Variants in PCBP3 observed in about 807,000 individuals in gnomAD.
PCBP3 encodes poly(rC)-binding protein 3.
Under a neutral mutation model 52.7 loss-of-function variants are expected in PCBP3, and 25 were observed. The ratio of observed to expected loss-of-function variants is 0.47; its 90% CI spans 0.35 to 0.66. The LOEUF (loss-of-function observed/expected upper bound fraction) is 0.66, where lower values mean the gene tolerates loss of function less well. Ranked by LOEUF, PCBP3 falls within the 30% of genes least tolerant of loss-of-function variation. PCBP3 has a pLI of 0.01. For synonymous variants in PCBP3, 162 were observed against 183.0 expected (o/e 0.89, Z 0.93); for missense variants, 391 against 490.3 (o/e 0.80, Z 1.91).
At chr21:45,851,621 A>G (rs973125222) in intron 5 of PCBP3, among the ~76,000 whole-genome samples, 4 of 146,454 alleles carry the variant, frequency 2.7e-5, no homozygotes, top group Admixed American at 2.0e-4. Flanking sequence ...ATGGATGGAT[A>G]GATAGATAGA....
intron 5 of PCBP3, among the ~76,000 whole-genome samples, chr21:45,876,947 G>A (rs554910875): frequency 9.9e-5 from 15 of 152,256 alleles, no homozygotes; most frequent in Admixed American, 2.6e-4. Context: ...CGCCTTCTCG[G>A]GGCAAGCAGT....
chr21:45,718,427 C>T (rs187623145), intron 2 of PCBP3, among the ~76,000 whole-genome samples: 8 of 151,860 alleles, frequency 5.3e-5, no homozygotes, highest in Admixed American at 3.3e-4. Flanking sequence ...TTTAGGTTAT[C>T]GAATTGAGAT....
At chr21:45,796,446 A>C (rs918584963) in intron 4 of PCBP3, among the ~76,000 whole-genome samples, 3 of 151,990 alleles carry the variant, frequency 2.0e-5, no homozygotes, top group Non-Finnish European at 4.4e-5. Flanking sequence ...ATGTGTTTGC[A>C]CTTCCTTGTC....
At chr21:45,938,706 C>T (rs1390609469) in intron 16 of PCBP3, among the ~76,000 whole-genome samples, 1 of 152,142 alleles carries the variant, frequency 6.6e-6, no homozygotes, top group Admixed American at 6.5e-5. Context: ...TAGAAGACTC[C>T]CAGCAGCCCT....
chr21:45,727,116 T>G (rs1289231366), intron 2 of PCBP3, among the ~76,000 whole-genome samples: 1 of 152,250 alleles, frequency 6.6e-6, no homozygotes, highest in East Asian at 1.9e-4. Flanking sequence ...TCTTTAAGAT[T>G]TTATCTTATT....
At chr21:45,807,499 G>A (rs1341991444) in intron 4 of PCBP3, among the ~76,000 whole-genome samples, 2 of 152,124 alleles carry the variant, frequency 1.3e-5, no homozygotes, top group Non-Finnish European at 2.9e-5. Flanking sequence ...ACCTCTTCAA[G>A]GAGAACTACA....
intron 4 of PCBP3, among the ~76,000 whole-genome samples, chr21:45,780,168 C>T (rs1239109727): frequency 1.3e-5 from 2 of 152,266 alleles, no homozygotes; most frequent in East Asian, 1.9e-4. Context: ...TTGGAGAAAA[C>T]GTGAGGCGTT....
At chr21:45,729,206 C>T (rs528298685) in intron 2 of PCBP3, among the ~76,000 whole-genome samples, 7 of 152,234 alleles carry the variant, frequency 4.6e-5, no homozygotes, top group African/African-American at 1.4e-4. Context: ...CACTTAGCCC[C>T]GCTTGGAGGT....
chr21:45,684,606 T>G (rs958327012), intron 2 of PCBP3, among the ~76,000 whole-genome samples: 2 of 152,158 alleles, frequency 1.3e-5, no homozygotes, highest in East Asian at 1.9e-4. Context: ...CTCCTTGCTT[T>G]CTTTCTGTTT....
chr21:45,924,960 G>C (rs1254774926), intron 13 of PCBP3, among the ~76,000 whole-genome samples: 3 of 52,552 alleles, frequency 5.7e-5, no homozygotes, highest in East Asian at 3.6e-4. Flanking sequence ...TGCGAACACC[G>C]GGAACAGTCG....
At chr21:45,766,811 G>GCT (rs1406323422) in intron 4 of PCBP3, among the ~76,000 whole-genome samples, 3 of 152,134 alleles carry the variant, frequency 2.0e-5, no homozygotes, top group Admixed American at 6.5e-5. Context: ...CTCCCTTAGG[G>GCT]CTTCATAGCC....
intron 16 of PCBP3, 30 bp downstream of exon 16, chr21:45,935,335 C>G (rs2076774173): frequency 2.5e-6 from 4 of 1,569,458 alleles, no homozygotes; most frequent in African/African-American, 1.4e-5. Context: ...CTGCCTGTCC[C>G]TGGGTAGAAA....
chr21:45,801,364 G>T (rs2092296644), intron 4 of PCBP3, among the ~76,000 whole-genome samples: 1 of 152,226 alleles, frequency 6.6e-6, no homozygotes, highest in Non-Finnish European at 1.5e-5. Flanking sequence ...CAGTGTCTGG[G>T]CTGGCCCCTC....
chr21:45,923,721 C>T (rs1264742648), intron 13 of PCBP3, among the ~76,000 whole-genome samples: 1 of 152,222 alleles, frequency 6.6e-6, no homozygotes, highest in Non-Finnish European at 1.5e-5. Context: ...ATTAGAGAAA[C>T]CATCAACAAT....
At chr21:45,925,534 C>T (rs902887974) in intron 13 of PCBP3, among the ~76,000 whole-genome samples, 6 of 151,920 alleles carry the variant, frequency 3.9e-5, no homozygotes, top group African/African-American at 1.5e-4. Context: ...TATTTTTAAG[C>T]TGAACAAATA....
chr21:45,654,146 GTAACAT>G, intron 1 of PCBP3, among the ~76,000 whole-genome samples: 1 of 151,890 alleles, frequency 6.6e-6, no homozygotes, highest in East Asian at 1.9e-4. Context: ...ATTATTACTG[GTAACAT>G]TAACAGTATT....
At chr21:45,681,456 G>T (rs764309887) in intron 2 of PCBP3, among the ~76,000 whole-genome samples, 2 of 152,108 alleles carry the variant, frequency 1.3e-5, no homozygotes, top group Non-Finnish European at 2.9e-5. Flanking sequence ...GACTTAGGAT[G>T]GGGTTACATC....
intron 17 of PCBP3, among the ~76,000 whole-genome samples, chr21:45,940,560 T>A (rs566167330): frequency 2.0e-5 from 3 of 152,352 alleles, no homozygotes; most frequent in South Asian, 4.1e-4. Flanking sequence ...TTTGGGGACT[T>A]TGCTGTTTTG....
At position 45,724,559 on chromosome 21, in the gene PCBP3, G is replaced by T. The variant is rs1004329597; in HGVS notation, c.-199-10833G>T. On this transcript the variant is annotated intron_variant, in intron 2 of 17. Coordinates refer to ENST00000681687, the MANE Select transcript of PCBP3 (RefSeq NM_001384156.1). This position sits in a 1 kb window ranked among gnomAD's most constrained non-coding sequence, Gnocchi z 5.3. ...TGCCTTCATGGTGGCGGGCCAGGCT[G>T]CTCTGTAACACGAACATTAAAACTG... Among the ~76,000 whole-genome samples, 1 of 152,210 alleles carries T rather than the reference G, an allele frequency of 6.6e-6. No individual in the cohort carries two copies. The highest frequency in any genetic ancestry group is 6.5e-5 in the Admixed American group (1 of 15,278).
Sources: allele counts gnomAD v4.1 joint callset (sites outside exome capture counted in the v4.1 genomes callset), GRCh38; gene constraint gnomAD v4.1.1; non-coding constraint Gnocchi (gnomAD v3.1); transcripts MANE v1.5; gene names NCBI Gene and HGNC (gene_info 2026-07-23, HGNC 2026-07-21).